FRAS1: variants seen among roughly 807,000 people sequenced by gnomAD.
FRAS1 encodes Fraser extracellular matrix complex subunit 1, also known as extracellular matrix organizing protein FRAS1.
Under a neutral mutation model 435.2 loss-of-function variants are expected in FRAS1, and 290 were observed. That is an observed-to-expected ratio of 0.67 (90% CI 0.61 to 0.73). The LOEUF (loss-of-function observed/expected upper bound fraction) is 0.73. Among genes scored for constraint, FRAS1 ranks in the 30% least tolerant of loss-of-function variants. The pLI, the probability that FRAS1 is intolerant of heterozygous loss-of-function variation, is 0.00. For missense variants in FRAS1, 4,860 were observed against 5,001.5 expected (o/e 0.97, Z 0.85); for synonymous variants, 1,800 against 1,851.0 (o/e 0.97, Z 0.71).
At chr4:78,508,670 G>A (rs1382527497) in intron 62 of FRAS1, 61 bp from the exon 63 acceptor site, 1 of 1,568,848 alleles carries the variant, frequency 6.4e-7, no homozygotes, top group Non-Finnish European at 8.7e-7. Flanking sequence ...AAGAAAGGGG[G>A]CTTAGTTCTC....
intron 2 of FRAS1, among the ~76,000 whole-genome samples, chr4:78,067,816 C>T (rs1167108965): frequency 6.7e-6 from 1 of 150,236 alleles, no homozygotes; most frequent in African/African-American, 2.4e-5. Flanking sequence ...GCTTCAGCCT[C>T]CCAAGTAGAT....
At position 78,337,813 on chromosome 4, in the gene FRAS1, T is replaced by C. The variant is rs1347399598; in HGVS notation, c.2418T>C (p.Cys806=). 1 of 1,613,724 alleles carries C rather than the reference T, an allele frequency of 6.2e-7. No individual in the cohort carries two copies. Among genetic ancestry groups the C allele is most frequent in the African/African-American group, 1.3e-5 (1 of 74,894 alleles). The change falls in exon 20 of 74, where the codon TGT becomes TGC. Residue 806 remains cysteine (C), a synonymous_variant. Transcript: ENST00000512123. ...AGTTCCTCAACCTCGTGGGATACTG[T>C]GCTGGTGAGTGAAACTCCTGTGGAC... The part of the protein sequence containing the change: ...EEQFLNLVGY[C]ADCHHLCQHC...
At position 78,375,777 on chromosome 4, in the gene FRAS1, C is replaced by A. The variant is rs375063448; in HGVS notation, c.3190C>A (p.Arg1064Ser). Reference protein sequence around the residue: ...QGCLQCSHRDRCHLCDHGFFL... With the variant: ...QGCLQCSHRDSCHLCDHGFFL... Reference sequence around the variant, plus strand: ...GTGCTTGCAGTGCAGCCACAGGGACCGTTGTCACCTCTGTGACCATGGGTT... The same window carrying A: ...GTGCTTGCAGTGCAGCCACAGGGACAGTTGTCACCTCTGTGACCATGGGTT... The change falls in exon 26 of 74, where the codon CGT becomes AGT. Residue 1064 changes from arginine (R) to serine (S), a missense_variant. Coordinates refer to ENST00000512123, the MANE Select transcript of FRAS1 (RefSeq NM_025074.7). The A allele has an allele frequency of 1.1e-5, 17 of 1,609,890 alleles. No homozygotes were observed. The African/African-American group carries it at 1.9e-4, about 18-fold the overall frequency.
intron 2 of FRAS1, among the ~76,000 whole-genome samples, chr4:78,131,626 G>T (rs1719689389): frequency 6.6e-6 from 1 of 152,126 alleles, no homozygotes; most frequent in Non-Finnish European, 1.5e-5. Flanking sequence ...GTGCCACTTG[G>T]AGAAGAAGAT....
intron 67 of FRAS1, among the ~76,000 whole-genome samples, chr4:78,520,622 C>T (rs191999450): frequency 3.2e-4 from 49 of 152,190 alleles, no homozygotes; most frequent in Non-Finnish European, 6.2e-4. Context: ...TATTTATAAA[C>T]CTAATACAAT....
At chr4:78,233,041 G>T (rs978612378) in intron 2 of FRAS1, among the ~76,000 whole-genome samples, 2 of 152,230 alleles carry the variant, frequency 1.3e-5, no homozygotes, top group Non-Finnish European at 2.9e-5. Context: ...GTTCTTAGAA[G>T]ATACTGTTTA....
intron 1 of FRAS1, among the ~76,000 whole-genome samples, chr4:78,064,110 A>G (rs1739881580): frequency 6.6e-6 from 1 of 151,782 alleles, no homozygotes; most frequent in African/African-American, 2.4e-5. Flanking sequence ...AAGTCTTGGA[A>G]CAAGATTTCT....
rs77354247 is a variant in FRAS1 at position 78,483,832 on chromosome 4, T to C, written c.8752+1297T>C. On this transcript the variant is annotated intron_variant, in intron 58 of 73. Coordinates refer to ENST00000512123, the MANE Select transcript of FRAS1 (RefSeq NM_025074.7). ...TATGTGTGATACACACACACACACA[T>C]ACAACAAACATACACATACTTGCAT... Among the ~76,000 whole-genome samples, 469 of 78,308 alleles carry C rather than the reference T, an allele frequency of 6.0e-3. 4 individuals carry two copies. Among genetic ancestry groups the C allele is most frequent in the Non-Finnish European group, 0.012 (348 of 28,602 alleles). 51.4% of individuals were successfully genotyped at this position (78,308 alleles called of 152,430 possible). A position where few individuals can be genotyped will look rare whatever the true frequency, so the allele number is the denominator to read the frequency against.
intron 2 of FRAS1, among the ~76,000 whole-genome samples, chr4:78,212,649 A>G (rs1723566063): frequency 6.6e-6 from 1 of 152,168 alleles, no homozygotes; most frequent in African/African-American, 2.4e-5. Flanking sequence ...CATTTCACAC[A>G]CTCACAGGGT....
chr4:78,128,356 TACAGTCCCACCA>T (rs1178432406), intron 2 of FRAS1, among the ~76,000 whole-genome samples: 1 of 152,228 alleles, frequency 6.6e-6, no homozygotes, highest in Non-Finnish European at 1.5e-5. Context: ...TGAACTAGTT[TACAGTCCCACCA>T]ACAGTGTAAA....
rs560058120 is a variant in FRAS1 at position 78,318,860 on chromosome 4, A to G, written c.2011A>G (p.Thr671Ala). ...TATGGGTCCCGCACCCTCTCACTGT[A>G]CTGGGTGTAAGAAGCCAGAGGAAGG... ...ACMGPAPSHCTGCKKPEEGLQ... is the reference protein window; with the variant it reads ...ACMGPAPSHCAGCKKPEEGLQ... Residue 671 changes from threonine to alanine, a missense_variant, in exon 18 of 74, where the codon ACT (threonine) becomes GCT (alanine). Transcript: ENST00000512123. 1 of 1,613,756 alleles carries G rather than the reference A, an allele frequency of 6.2e-7. No individual in the cohort carries two copies. The highest frequency in any genetic ancestry group is 1.7e-5 in the Admixed American group (1 of 59,992).
intron 60 of FRAS1, among the ~76,000 whole-genome samples, chr4:78,498,025 G>A (rs1048738883): frequency 1.3e-5 from 2 of 152,172 alleles, no homozygotes; most frequent in African/African-American, 2.4e-5. Context: ...TCACTCATAA[G>A]TGGGAGGTGA....
At chr4:78,166,005 G>A (rs78543693) in intron 2 of FRAS1, among the ~76,000 whole-genome samples, 2,904 of 152,226 alleles carry the variant, frequency 0.019, 97 homozygotes, top group African/African-American at 0.065. Context: ...AAACAGGGAA[G>A]GGTGAAGAAT....
intron 4 of FRAS1, among the ~76,000 whole-genome samples, chr4:78,250,680 C>T (rs1052950817): frequency 5.3e-5 from 8 of 152,250 alleles, no homozygotes; most frequent in African/African-American, 1.7e-4. Context: ...ATCCTCTTTT[C>T]AAGTGTGATT....
In FRAS1 at chr4:78,526,669, T is replaced by C. The variant is rs1216537091; in HGVS notation, c.10925+12T>C. ...CATGCCCCAGAAAGGTAGGAAAATATAGTCAATCCTCATTATTTGTTGATT... is the reference window on the plus strand; with the variant it reads ...CATGCCCCAGAAAGGTAGGAAAATACAGTCAATCCTCATTATTTGTTGATT... On this transcript the variant is annotated intron_variant, in intron 70 of 73. Coordinates refer to ENST00000512123, the MANE Select transcript of FRAS1 (RefSeq NM_025074.7). 1 of 1,445,242 alleles carries C rather than the reference T, an allele frequency of 6.9e-7. No individual in the cohort carries two copies. Among genetic ancestry groups the C allele is most frequent in the Admixed American group, 2.4e-5 (1 of 40,954 alleles). The allele number at this position is 1,445,242 out of a possible 1,614,324, so 89.5% of individuals were successfully genotyped here.
chr4:78,406,312 G>A (rs115713315), intron 30 of FRAS1, among the ~76,000 whole-genome samples: 8 of 152,144 alleles, frequency 5.3e-5, no homozygotes, highest in Non-Finnish European at 1.0e-4. Flanking sequence ...ATTAATAGAA[G>A]TGTATTAGTC....
intron 6 of FRAS1, among the ~76,000 whole-genome samples, chr4:78,258,209 T>C (rs1354311288): frequency 3.9e-5 from 6 of 151,906 alleles, no homozygotes; most frequent in Non-Finnish European, 8.8e-5. Context: ...GACATGATGG[T>C]TCATGCCTGT....
chr4:78,411,537 C>G (rs183585112), intron 31 of FRAS1, among the ~76,000 whole-genome samples: 1 of 152,252 alleles, frequency 6.6e-6, no homozygotes, highest in East Asian at 1.9e-4. Flanking sequence ...GAAAATAGAG[C>G]ATGGCATAGT....
At chr4:78,199,229 C>A (rs542108567) in intron 2 of FRAS1, among the ~76,000 whole-genome samples, 1 of 152,152 alleles carries the variant, frequency 6.6e-6, no homozygotes. Context: ...TCTAGTTTTA[C>A]CAGCAGAGAG....
Sources: gnomAD v4.1 joint callset for allele counts (sites outside exome capture counted in the v4.1 genomes callset) on GRCh38, gnomAD v4.1.1 for gene constraint, MANE v1.5 for transcripts, NCBI Gene and HGNC (gene_info 2026-07-23, HGNC 2026-07-21) for gene names.